VPS50: variants seen among roughly 807,000 people sequenced by gnomAD.
VPS50 encodes the protein syndetin.
In VPS50, 70 loss-of-function variants were observed where a neutral mutation model predicts 139.7. The observed-to-expected ratio is 0.50, with a 90% CI of 0.41 to 0.61. The LOEUF (loss-of-function observed/expected upper bound fraction) is 0.61, where lower values mean the gene tolerates loss of function less well. Ranked by LOEUF, VPS50 falls within the 20% of genes least tolerant of loss-of-function variation. The pLI is 0.00. For synonymous variants in VPS50, 365 were observed against 376.7 expected, an observed-to-expected ratio of 0.97 and a Z score of 0.36; for missense variants, 921 against 1,133.7, an observed-to-expected ratio of 0.81 and a Z score of 2.69.
At chr7:93,339,330 T>TAA (rs772980449) in intron 22 of VPS50, among the ~76,000 whole-genome samples, 161 of 136,110 alleles carry the variant, frequency 1.2e-3, no homozygotes, top group Middle Eastern at 7.9e-3. Flanking sequence ...AGATAGGAAA[T>TAA]AAAAAAAAAA....
chr7:93,321,488 T>C (rs923481788), intron 20 of VPS50, among the ~76,000 whole-genome samples: 1 of 152,220 alleles, frequency 6.6e-6, no homozygotes, highest in African/African-American at 2.4e-5. Flanking sequence ...TATTGATTAT[T>C]GTCTTCCATG....
At chr7:93,312,493 C>G (rs548658725) in intron 20 of VPS50, among the ~76,000 whole-genome samples, 1 of 152,260 alleles carries the variant, frequency 6.6e-6, no homozygotes, top group African/African-American at 2.4e-5. Flanking sequence ...TATCATTAGA[C>G]TGATCTCATT....
intron 2 of VPS50, among the ~76,000 whole-genome samples, chr7:93,243,886 C>T (rs1795070294): frequency 6.6e-6 from 1 of 151,908 alleles, no homozygotes; most frequent in Admixed American, 6.6e-5. Context: ...AGTACTTCCA[C>T]AGTGGCACAA....
chr7:93,308,852 C>T lies in VPS50; in HGVS notation c.1658C>T (p.Ala553Val). Residue 553 changes from alanine (A) to valine (V), a missense_variant, in exon 19 of 28, where the codon GCC becomes GTC. Physicochemically the swap from Ala to Val is moderately conservative, Grantham distance 64. Around this residue, in one of 3 missense-constraint regions of VPS50, gnomAD observed 744 missense variants for 930.6 expected, o/e 0.80. Coordinates refer to ENST00000305866, the MANE Select transcript of VPS50 (RefSeq NM_017667.4). ...GYESDEQEKS[A>V]YQEYDSDSDV... ...GAATCTGATGAACAAGAAAAGAGTG[C>T]CTATCAAGAGTATGACAGTGACAGT... The T allele has an allele frequency of 6.2e-7, 1 of 1,602,554 alleles. No homozygotes were observed. The highest frequency in any genetic ancestry group is 1.1e-5 in the South Asian group (1 of 90,626).
chr7:93,312,132 G>A (rs145153166), intron 20 of VPS50, among the ~76,000 whole-genome samples: 279 of 152,146 alleles, frequency 1.8e-3, no homozygotes, highest in Non-Finnish European at 2.5e-3. Flanking sequence ...TAGGAGTCAC[G>A]GTTTCTCTAG....
At chr7:93,271,023 TG>T in intron 9 of VPS50, 196 bp from the exon 10 acceptor site, 1 of 720,124 alleles carries the variant, frequency 1.4e-6, no homozygotes, top group Non-Finnish European at 1.9e-6. Flanking sequence ...GCAATCCTGT[TG>T]CTGCTGCTAA....
At chr7:93,279,806 G>T (rs1329034680) in intron 12 of VPS50, among the ~76,000 whole-genome samples, 1 of 152,180 alleles carries the variant, frequency 6.6e-6, no homozygotes, top group Non-Finnish European at 1.5e-5. Context: ...TGAAAATTAA[G>T]ATGAATGCTA....
intron 12 of VPS50, 123 bp downstream of exon 12, chr7:93,276,428 A>AT (rs890309888): frequency 1.1e-5 from 14 of 1,325,224 alleles, no homozygotes; most frequent in South Asian, 2.2e-5. Context: ...TTTGCCAAAA[A>AT]TTTTTTTTCT....
chr7:93,276,437 C>T, intron 12 of VPS50, 132 bp downstream of exon 12: 3 of 1,308,348 alleles, frequency 2.3e-6, no homozygotes, highest in Non-Finnish European at 3.0e-6. Context: ...AATTTTTTTT[C>T]TCCCAAGTTG....
intron 5 of VPS50, 59 bp downstream of exon 5, chr7:93,256,621 C>T (rs969872541): frequency 1.1e-5 from 9 of 850,128 alleles, no homozygotes; most frequent in African/African-American, 1.8e-5. Context: ...GTGATTTACA[C>T]TTGAAACTGT....
At chr7:93,317,879 T>C (rs1797474414) in intron 20 of VPS50, among the ~76,000 whole-genome samples, 1 of 152,170 alleles carries the variant, frequency 6.6e-6, no homozygotes, top group South Asian at 2.1e-4. Flanking sequence ...ATAGAGTTCA[T>C]TGAAGTCATA....
At position 93,359,761 on chromosome 7, in the gene VPS50, G is replaced by C. The variant is rs941884874; in HGVS notation, c.*1325G>C. On this transcript the variant is annotated 3_prime_UTR_variant, in exon 28 of 28. Coordinates refer to ENST00000305866, the MANE Select transcript of VPS50 (RefSeq NM_017667.4). Reference sequence around the variant, plus strand: ...CACAGAATGGCATGTGATCAAGCATGGAGGTGATAAGGAAACAATTGCTAC... The same window carrying C: ...CACAGAATGGCATGTGATCAAGCATCGAGGTGATAAGGAAACAATTGCTAC... 1 of 152,164 alleles carries C rather than the reference G, an allele frequency of 6.6e-6. No homozygotes were observed. Among genetic ancestry groups the C allele is most frequent in the Admixed American group, 6.6e-5 (1 of 15,252 alleles). The allele number at this position is 152,164 out of a possible 1,614,324, so 9.4% of individuals were successfully genotyped here. A position where few individuals can be genotyped will look rare whatever the true frequency, so the allele number is the denominator to read the frequency against.
intron 4 of VPS50, among the ~76,000 whole-genome samples, chr7:93,255,227 T>G (rs1795451999): frequency 6.6e-6 from 1 of 152,236 alleles, no homozygotes; most frequent in African/African-American, 2.4e-5. Flanking sequence ...GTGGAATCCC[T>G]GAGCTTGTTT....
At chr7:93,242,379 T>A (rs1795019226) in intron 2 of VPS50, among the ~76,000 whole-genome samples, 1 of 151,874 alleles carries the variant, frequency 6.6e-6, no homozygotes, top group South Asian at 2.1e-4. Flanking sequence ...CAGGAAGTAG[T>A]CAGTATAGCT....
chr7:93,310,465 G>C (rs994361899), intron 19 of VPS50, among the ~76,000 whole-genome samples: 1 of 151,076 alleles, frequency 6.6e-6, no homozygotes, highest in South Asian at 2.1e-4. Context: ...TAAATTTAGG[G>C]GTTTTTTTTT....
At chr7:93,289,745 A>G in intron 12 of VPS50, among the ~76,000 whole-genome samples, 1 of 152,030 alleles carries the variant, frequency 6.6e-6, no homozygotes, top group East Asian at 1.9e-4. Flanking sequence ...CAATTTTCCC[A>G]AAACTATTTG....
intron 4 of VPS50, among the ~76,000 whole-genome samples, chr7:93,254,209 A>G (rs1482020480): frequency 6.6e-6 from 1 of 152,220 alleles, no homozygotes; most frequent in East Asian, 1.9e-4. Context: ...TAGATTAGTA[A>G]GTACCTTTAG....
Position 93,257,379 on chromosome 7 carries a change from C to G in VPS50, c.352-15C>G, listed in dbSNP as rs753816197. The G allele has an allele frequency of 4.0e-6, 6 of 1,504,586 alleles. No homozygotes were observed. The South Asian group carries it at 6.8e-5, about 17-fold the overall frequency. 93.2% of individuals were successfully genotyped at this position (1,504,586 alleles called of 1,614,324 possible). Reference sequence around the variant, plus strand: ...AAATACCTCCAACAATAACCTGTACCTAATCTTCCCATAGGAACTTGAAAG... The same window carrying G: ...AAATACCTCCAACAATAACCTGTACGTAATCTTCCCATAGGAACTTGAAAG... On this transcript the variant is annotated splice_polypyrimidine_tract_variant and intron_variant, in intron 5 of 27. Transcript: ENST00000305866.
chr7:93,346,209 G>T (rs1167384064), intron 23 of VPS50, among the ~76,000 whole-genome samples: 3 of 152,152 alleles, frequency 2.0e-5, no homozygotes, highest in East Asian at 3.8e-4. Flanking sequence ...AATCATGAGT[G>T]AACTCCCATT....
Sources: gnomAD v4.1 joint callset for allele counts (sites outside exome capture counted in the v4.1 genomes callset) on GRCh38, gnomAD v4.1.1 for gene constraint, gnomAD v4.1.1 regional missense constraint, MANE v1.5 for transcripts, NCBI Gene and HGNC (gene_info 2026-07-23, HGNC 2026-07-21) for gene names.